LIPF: variants seen among roughly 807,000 people sequenced by gnomAD.
LIPF encodes the protein lipase F, gastric type.
A neutral mutation model predicts 38.0 loss-of-function variants in LIPF; 25 were observed. The ratio of observed to expected loss-of-function variants is 0.66; its 90% confidence interval spans 0.48 to 0.92. The LOEUF is 0.92. LIPF is among the 40% of genes least tolerant of loss of function. The pLI, the probability that LIPF is intolerant of heterozygous loss-of-function variation, is 0.00. For missense variants in LIPF, 410 were observed against 469.9 expected (o/e 0.87, Z 1.18); for synonymous variants, 161 against 156.2 (o/e 1.03, Z -0.23).
intron 7 of LIPF, among the ~76,000 whole-genome samples, chr10:88,674,313 C>T (rs1334592699): frequency 1.3e-5 from 2 of 152,138 alleles, no homozygotes; most frequent in African/African-American, 4.8e-5. Flanking sequence ...GAACTACAGG[C>T]GCCCGCCACC....
At chr10:88,668,899 T>G in intron 4 of LIPF, 143 bp downstream of exon 4, 1 of 706,640 alleles carries the variant, frequency 1.4e-6, no homozygotes, top group Non-Finnish European at 2.3e-6. Context: ...ATTCTTGGAT[T>G]CTTCCATGTA....
intron 2 of LIPF, 65 bp downstream of exon 2, chr10:88,667,467 T>C: frequency 1.8e-6 from 2 of 1,081,612 alleles, no homozygotes; most frequent in Non-Finnish European, 2.8e-6. Flanking sequence ...TCATAATGAG[T>C]TAAAGATTTT....
chr10:88,669,815 C>G, intron 4 of LIPF, 22 bp from the exon 5 acceptor site: 1 of 1,496,710 alleles, frequency 6.7e-7, no homozygotes, highest in East Asian at 2.3e-5. Flanking sequence ...TATTCACTTT[C>G]ATTTTGTCTT....
intron 5 of LIPF, 29 bp downstream of exon 5, chr10:88,669,975 T>G: frequency 7.0e-7 from 1 of 1,436,074 alleles, no homozygotes; most frequent in Admixed American, 1.8e-5. Context: ...GGCCAAGTGG[T>G]TTACTTCTCA....
rs569914927 is a variant in LIPF, at chr10:88,676,959, G to T, written c.960+679G>T. The stretch of plus-strand genomic sequence containing the variant: ...ATAATATCTATAAGCTCTTAGCTCA[G>T]GGTAAGCTCTCGGGTTATCACTGAC... On this transcript the variant is annotated intron_variant, in intron 9 of 9. Transcript: ENST00000238983. Among the ~76,000 whole-genome samples, 3 of 152,296 alleles carry T rather than the reference G, an allele frequency of 2.0e-5. No individual in the cohort carries two copies. The East Asian group carries it at 5.8e-4, about 29-fold the overall frequency.
chr10:88,673,467 C>T, intron 6 of LIPF, 121 bp from the exon 7 acceptor site: 2 of 802,828 alleles, frequency 2.5e-6, no homozygotes, highest in Non-Finnish European at 4.0e-6. Flanking sequence ...CCTAAAACAA[C>T]ATGTAAGAAT....
chr10:88,665,317 T>A (rs750430961), intron 1 of LIPF, among the ~76,000 whole-genome samples: 17 of 152,250 alleles, frequency 1.1e-4, no homozygotes, highest in Non-Finnish European at 2.2e-4. Flanking sequence ...TTTGTTATCA[T>A]AATGAATTCC....
intron 7 of LIPF, among the ~76,000 whole-genome samples, chr10:88,674,973 TA>T (rs1275267101): frequency 1.5e-4 from 23 of 152,074 alleles, no homozygotes; most frequent in African/African-American, 5.3e-4. Context: ...AGAAAAATAA[TA>T]GTAAAATAAG....
At chr10:88,670,947 C>A (rs1394038783) in intron 5 of LIPF, among the ~76,000 whole-genome samples, 1 of 151,990 alleles carries the variant, frequency 6.6e-6, no homozygotes, top group Non-Finnish European at 1.5e-5. Context: ...ACCATTCTTC[C>A]ACAAATAGAA....
intron 1 of LIPF, among the ~76,000 whole-genome samples, chr10:88,664,711 T>G (rs1156504760): frequency 6.6e-6 from 1 of 152,210 alleles, no homozygotes; most frequent in African/African-American, 2.4e-5. Context: ...ATTTGTTTAT[T>G]ATTGCAATTA....
chr10:88,671,782 A>C (rs924392342), intron 5 of LIPF, 47 bp from the exon 6 acceptor site: 11 of 1,569,522 alleles, frequency 7.0e-6, no homozygotes, highest in Non-Finnish European at 9.5e-6. Flanking sequence ...AACAACAACA[A>C]CAACACACAC....
intron 9 of LIPF, among the ~76,000 whole-genome samples, chr10:88,677,723 TTCTC>T (rs1209994103): frequency 6.6e-6 from 1 of 152,194 alleles, no homozygotes; most frequent in African/African-American, 2.4e-5. Flanking sequence ...TCTAACAAAA[TTCTC>T]TCTGGGCAGC....
At chr10:88,665,998 A>G (rs944512442) in intron 1 of LIPF, among the ~76,000 whole-genome samples, 2 of 152,040 alleles carry the variant, frequency 1.3e-5, no homozygotes, top group African/African-American at 4.8e-5. Flanking sequence ...CGGCCTCCCA[A>G]AGTGCTGGGT....
chr10:88,667,341 G>A lies in LIPF; in HGVS notation c.44G>A (p.Gly15Glu), dbSNP rs770032747. ...ATGGCAAGTTTGATATCTGTACTGG[G>A]GACTACACATGGTTTGTTTGGAAAA... is the stretch of plus-strand genomic sequence containing the variant. ...LTMASLISVLGTTHGLFGKLH... is the reference protein window; with the variant it reads ...LTMASLISVLETTHGLFGKLH... Residue 15 changes from glycine to glutamate, a missense_variant, in exon 2 of 10, where the codon GGG (glycine) becomes GAG (glutamate). Gly to Glu is a moderately conservative substitution (Grantham distance 98). Coordinates refer to ENST00000238983, the MANE Select transcript of LIPF (RefSeq NM_004190.4). The A allele has an allele frequency of 1.9e-6, 3 of 1,613,508 alleles. No individual in the cohort carries two copies. Among genetic ancestry groups the A allele is most frequent in the East Asian group, 2.2e-5 (1 of 44,846 alleles).
chr10:88,668,666 A>G lies in LIPF; in HGVS notation c.332A>G (p.Tyr111Cys). 1 of 1,614,184 alleles carries G rather than the reference A, an allele frequency of 6.2e-7. No individual in the cohort carries two copies. The highest frequency in any genetic ancestry group is 8.5e-7 in the Non-Finnish European group (1 of 1,179,998). ...SLAFILADAG[Y>C]DVWLGNSRGN... ...GCCTTCATTCTGGCAGATGCTGGTT[A>G]TGATGTGTGGCTGGGCAACAGCAGA... Residue 111 changes from tyrosine to cysteine, a missense_variant, in exon 4 of 10, where the codon TAT (tyrosine) becomes TGT (cysteine). Tyr to Cys is a radical substitution (Grantham distance 194). Transcript: ENST00000238983.
In LIPF at chr10:88,678,580, G is replaced by A; in HGVS notation, c.1096G>A (p.Glu366Lys). The A allele has an allele frequency of 6.2e-7, 1 of 1,613,920 alleles. No individual in the cohort carries two copies. The highest frequency in any genetic ancestry group is 8.5e-7 in the Non-Finnish European group (1 of 1,179,832). Residue 366 changes from glutamate (E) to lysine (K), a missense_variant, in exon 10 of 10, where the codon GAG becomes AAG. By Grantham distance (56) the Glu-to-Lys change is moderately conservative. Transcript: ENST00000238983. ...ACTCCCCAATCTTATTTACCACAAG[G>A]AGATTCCTTTTTACAATCACTTGGA... ...PKLPNLIYHKEIPFYNHLDFI... is the reference protein window; with the variant it reads ...PKLPNLIYHKKIPFYNHLDFI...
At chr10:88,669,642 G>A (rs1026756186) in intron 4 of LIPF, 195 bp from the exon 5 acceptor site, 46 of 448,846 alleles carry the variant, frequency 1.0e-4, no homozygotes, top group East Asian at 2.2e-4. Flanking sequence ...GCAATGCTGC[G>A]CTTCAGAAAT....
At chr10:88,673,266 C>G (rs1348481370) in intron 6 of LIPF, among the ~76,000 whole-genome samples, 5 of 152,106 alleles carry the variant, frequency 3.3e-5, no homozygotes, top group Non-Finnish European at 4.4e-5. Flanking sequence ...TTATGACAGT[C>G]TGTCATGTGT....
intron 8 of LIPF, 93 bp downstream of exon 8, chr10:88,675,750 C>A: frequency 1.2e-6 from 1 of 813,192 alleles, no homozygotes; most frequent in Non-Finnish European, 2.0e-6. Context: ...CTGCTGAGTA[C>A]ACCTGGAAGG....
Sources: gnomAD v4.1 joint callset for allele counts (sites outside exome capture counted in the v4.1 genomes callset) on GRCh38, gnomAD v4.1.1 for gene constraint, MANE v1.5 for transcripts, NCBI Gene and HGNC (gene_info 2026-07-23, HGNC 2026-07-21) for gene names.